CCDC102B: variants seen among roughly 807,000 people sequenced by gnomAD.
CCDC102B encodes coiled-coil domain-containing protein 102B.
Under a neutral mutation model 57.4 loss-of-function variants are expected in CCDC102B, and 75 were observed. That is an observed-to-expected ratio of 1.31 (90% CI 1.08 to 1.58). The LOEUF (loss-of-function observed/expected upper bound fraction) is 1.58, where lower values mean the gene tolerates loss of function less well. CCDC102B is among the 40% of genes most tolerant of loss of function. CCDC102B has a pLI of 0.00. For synonymous variants in CCDC102B, 206 were observed against 201.9 expected (o/e 1.02, Z -0.17); for missense variants, 636 against 582.6 (o/e 1.09, Z -0.94).
chr18:68,733,486 A>ATG (rs1234599728), intron 2 of CCDC102B, among the ~76,000 whole-genome samples: 2 of 84,324 alleles, frequency 2.4e-5, no homozygotes, highest in South Asian at 4.1e-4. Flanking sequence ...CTTTATATAT[A>ATG]TATATATATA....
rs148946016 is a variant in CCDC102B, at chr18:68,874,695, T to C, written c.963T>C (p.Asn321=). 18 of 1,610,530 alleles carry C rather than the reference T, an allele frequency of 1.1e-5. No homozygotes were observed. The African/African-American group carries it at 2.4e-4, about 22-fold the overall frequency. Reference sequence around the variant, plus strand: ...TTGACATTCTTCTTGGTCAACATAATGATGAAATGCAAGAACTGTCAGGCA... The same window carrying C: ...TTGACATTCTTCTTGGTCAACATAACGATGAAATGCAAGAACTGTCAGGCA... The part of the protein sequence containing the change: ...KEFDILLGQH[N]DEMQELSGNI... Residue 321 remains asparagine, a synonymous_variant, in exon 5 of 8, where the codon AAT becomes AAC. Transcript: ENST00000360242.
intron 6 of CCDC102B, among the ~76,000 whole-genome samples, chr18:69,007,617 TCG>T (rs2051387632): frequency 6.6e-6 from 1 of 152,220 alleles, no homozygotes; most frequent in Admixed American, 6.5e-5. Flanking sequence ...GCTTCTGGGC[TCG>T]AGCCCTGAGT....
chr18:68,795,025 T>A (rs201023345), upstream of CCDC102B, among the ~76,000 whole-genome samples: 95 of 134,488 alleles, frequency 7.1e-4, no homozygotes, highest in South Asian at 9.5e-4. Context: ...AACTCGCCAG[T>A]AAAAAAAAAA....
chr18:68,775,568 C>T (rs2034782821), intron 2 of CCDC102B, among the ~76,000 whole-genome samples: 1 of 151,360 alleles, frequency 6.6e-6, no homozygotes, highest in Non-Finnish European at 1.5e-5. Flanking sequence ...GAATACTACA[C>T]AGGAAATGCT....
At chr18:68,950,428 A>G (rs941967131) in intron 6 of CCDC102B, among the ~76,000 whole-genome samples, 1 of 152,162 alleles carries the variant, frequency 6.6e-6, no homozygotes, top group Non-Finnish European at 1.5e-5. Flanking sequence ...AATTTGGCCA[A>G]TATTAATAGT....
chr18:68,886,414 G>C (rs1208819019), intron 5 of CCDC102B, among the ~76,000 whole-genome samples: 3 of 145,842 alleles, frequency 2.1e-5, no homozygotes, highest in Non-Finnish European at 3.0e-5. Flanking sequence ...TATTTATTTG[G>C]AAGATGAAGT....
At chr18:68,825,759 A>G (rs2036882383) in intron 1 of CCDC102B, among the ~76,000 whole-genome samples, 1 of 152,192 alleles carries the variant, frequency 6.6e-6, no homozygotes, top group African/African-American at 2.4e-5. Flanking sequence ...AAAAATGAAC[A>G]TGTTCATCTT....
chr18:68,862,643 T>C (rs753271898), intron 4 of CCDC102B, among the ~76,000 whole-genome samples: 1 of 152,110 alleles, frequency 6.6e-6, no homozygotes, highest in South Asian at 2.1e-4. Context: ...CTTCAAGAGA[T>C]GACAGGTTCT....
intron 2 of CCDC102B, among the ~76,000 whole-genome samples, chr18:68,728,152 G>A (rs2032685678): frequency 6.6e-6 from 1 of 152,118 alleles, no homozygotes; most frequent in South Asian, 2.1e-4. Context: ...GGGCTGACTG[G>A]CAATGTATAC....
At chr18:68,899,460 G>A (rs2040361344) in intron 6 of CCDC102B, among the ~76,000 whole-genome samples, 1 of 151,794 alleles carries the variant, frequency 6.6e-6, no homozygotes, top group Non-Finnish European at 1.5e-5. Flanking sequence ...CCATGTATGA[G>A]TACCATGTCT....
chr18:68,931,908 A>G lies in CCDC102B; in HGVS notation c.1263+34480A>G, dbSNP rs557584385. On this transcript the variant is annotated intron_variant, in intron 6 of 7. Coordinates refer to ENST00000360242, the MANE Select transcript of CCDC102B (RefSeq NM_024781.3). ...AAGAGGAATATTGGTTGTGGTAGCTATATAGTGTCTTTTAATTGCAATTCA... is the reference window on the plus strand; with the variant it reads ...AAGAGGAATATTGGTTGTGGTAGCTGTATAGTGTCTTTTAATTGCAATTCA... 4.9e-4 allele frequency among the ~76,000 whole-genome samples: 74 copies of G among 152,052 alleles called. 1 individual carries two copies. Among genetic ancestry groups the G allele is most frequent in the Non-Finnish European group, 9.1e-4 (62 of 67,918 alleles).
At chr18:68,973,838 G>T (rs1209115509) in intron 6 of CCDC102B, among the ~76,000 whole-genome samples, 1 of 152,012 alleles carries the variant, frequency 6.6e-6, no homozygotes, top group Non-Finnish European at 1.5e-5. Flanking sequence ...TATGGTGATT[G>T]TCTTGGAACC....
chr18:68,982,555 A>G (rs2050618914), intron 6 of CCDC102B, among the ~76,000 whole-genome samples: 1 of 152,000 alleles, frequency 6.6e-6, no homozygotes, highest in Non-Finnish European at 1.5e-5. Context: ...AGCCCTTGTC[A>G]AAGACAAAAG....
At chr18:68,914,808 T>C (rs1157877148) in intron 6 of CCDC102B, among the ~76,000 whole-genome samples, 1 of 152,214 alleles carries the variant, frequency 6.6e-6, no homozygotes, top group Non-Finnish European at 1.5e-5. Context: ...CATGATGTTT[T>C]TGTGACCAGT....
At chr18:68,798,437 A>T (rs377012459) in intron 1 of CCDC102B, 1 of 152,266 alleles carries the variant, frequency 6.6e-6, no homozygotes, top group South Asian at 2.1e-4. Context: ...ATAACTGTAT[A>T]CTAAGCAAAA....
rs2035698619 is a variant in CCDC102B at position 68,798,147 on chromosome 18, A to G, written c.-50A>G. The G allele has an allele frequency of 6.6e-6, 1 of 152,172 alleles. No individual in the cohort carries two copies. The highest frequency in any genetic ancestry group is 1.5e-5 in the Non-Finnish European group (1 of 68,040). The allele number at this position is 152,172 out of a possible 1,614,324, so 9.4% of individuals were successfully genotyped here. A position where few individuals can be genotyped will look rare whatever the true frequency, so the allele number is the denominator to read the frequency against. On this transcript the variant is annotated 5_prime_UTR_variant, in exon 1 of 8. Transcript: ENST00000360242. The stretch of plus-strand genomic sequence containing the variant: ...TCTGTTGTTTACACATGTGGCTGCA[A>G]CTGAGACACTGGAGCAGCCCAGCAA...
At chr18:68,801,940 C>G (rs1009055317) in intron 1 of CCDC102B, among the ~76,000 whole-genome samples, 1 of 152,072 alleles carries the variant, frequency 6.6e-6, no homozygotes, top group African/African-American at 2.4e-5. Flanking sequence ...CATGAATTTT[C>G]TATCTTCTTT....
At chr18:68,949,079 G>A (rs534694801) in intron 6 of CCDC102B, among the ~76,000 whole-genome samples, 10 of 152,134 alleles carry the variant, frequency 6.6e-5, no homozygotes, top group Admixed American at 2.0e-4. Context: ...GGCCGGTCTC[G>A]CCTTTCACAT....
intron 5 of CCDC102B, among the ~76,000 whole-genome samples, chr18:68,895,755 AG>A (rs1024130816): frequency 1.1e-3 from 165 of 151,956 alleles, no homozygotes; most frequent in African/African-American, 3.9e-3. Flanking sequence ...TTTACTAGTA[AG>A]AAAACTTAAT....
Sources: gnomAD v4.1 joint callset for allele counts (sites outside exome capture counted in the v4.1 genomes callset) on GRCh38, gnomAD v4.1.1 for gene constraint, MANE v1.5 for transcripts, NCBI Gene and HGNC (gene_info 2026-07-23, HGNC 2026-07-21) for gene names.